Variants in RMDN2 observed in about 807,000 individuals in gnomAD.
RMDN2 encodes regulator of microtubule dynamics 2, also known as regulator of microtubule dynamics protein 2.
Under a neutral mutation model 52.8 loss-of-function variants are expected in RMDN2, and 61 were observed. The ratio of observed to expected loss-of-function variants is 1.16; its 90% confidence interval spans 0.94 to 1.43. The LOEUF (loss-of-function observed/expected upper bound fraction) is 1.43. RMDN2 is among the 40% of genes most tolerant of loss of function. The pLI, the probability that RMDN2 is intolerant of heterozygous loss-of-function variation, is 0.00. For missense variants in RMDN2, 592 were observed against 475.3 expected, an observed-to-expected ratio of 1.25 and a Z score of -2.28; for synonymous variants, 180 against 153.1, an observed-to-expected ratio of 1.18 and a Z score of -1.30.
At chr2:38,015,121 G>A (rs1421830123) in intron 10 of RMDN2, among the ~76,000 whole-genome samples, 3 of 152,148 alleles carry the variant, frequency 2.0e-5, no homozygotes, top group Admixed American at 6.5e-5. Context: ...CTGAGCTCCC[G>A]AATGTGGTAA....
In RMDN2 at chr2:37,991,229, G is replaced by C; in HGVS notation, c.877G>C (p.Asp293His). The C allele has an allele frequency of 1.3e-6, 2 of 1,581,886 alleles. No homozygotes were observed. Among genetic ancestry groups the C allele is most frequent in the Non-Finnish European group, 8.6e-7 (1 of 1,159,848 alleles). Reference sequence around the variant, plus strand: ...TGGATGCTTTTTTCAGGAACATCTAGATATAGCAATCAAACTTTTACCAGA... The same window carrying C: ...TGGATGCTTTTTTCAGGAACATCTACATATAGCAATCAAACTTTTACCAGA... ...NYGHLFKEHLDIAIKLLPEEP... is the reference protein window; with the variant it reads ...NYGHLFKEHLHIAIKLLPEEP... The change falls in exon 7 of 11, where the codon GAT (aspartate) becomes CAT (histidine). Residue 293 changes from aspartate (D) to histidine (H), a missense_variant. Physicochemically the swap from Asp to His is moderately conservative, Grantham distance 81. Coordinates refer to ENST00000354545, the MANE Select transcript of RMDN2 (RefSeq NM_001170791.3).
intron 2 of RMDN2, among the ~76,000 whole-genome samples, chr2:37,933,323 G>A (rs1667000161): frequency 6.6e-6 from 1 of 151,690 alleles, no homozygotes; most frequent in Non-Finnish European, 1.5e-5. Flanking sequence ...TCACATCCCA[G>A]ACGATGGGCG....
At chr2:38,009,675 G>T (rs1677660211) in intron 10 of RMDN2, among the ~76,000 whole-genome samples, 1 of 152,122 alleles carries the variant, frequency 6.6e-6, no homozygotes, top group Admixed American at 6.5e-5. Context: ...TTAGCTCGGA[G>T]TAGTTTGATC....
intron 8 of RMDN2, among the ~76,000 whole-genome samples, chr2:38,002,352 T>C (rs1031766374): frequency 6.6e-6 from 1 of 152,162 alleles, no homozygotes; most frequent in African/African-American, 2.4e-5. Context: ...AAACGGAGAA[T>C]AAATCAAGAT....
intron 2 of RMDN2, among the ~76,000 whole-genome samples, chr2:37,932,258 A>G (rs1666822872): frequency 6.7e-6 from 1 of 150,182 alleles, no homozygotes; most frequent in Non-Finnish European, 1.5e-5. Flanking sequence ...GGGAGTGGTG[A>G]TGACTCTTAA....
At chr2:37,932,212 T>C (rs899290104) in intron 2 of RMDN2, among the ~76,000 whole-genome samples, 2 of 149,618 alleles carry the variant, frequency 1.3e-5, no homozygotes, top group Non-Finnish European at 3.0e-5. Flanking sequence ...CCCTGCGGCC[T>C]TCCGCAGTGT....
At chr2:38,048,230 C>T (rs535791848) in intron 10 of RMDN2, among the ~76,000 whole-genome samples, 57 of 152,366 alleles carry the variant, frequency 3.7e-4, no homozygotes, top group Non-Finnish European at 7.5e-4. Context: ...TACACTCCTT[C>T]TTCCTAAAGG....
chr2:37,957,547 C>T (rs1669641267), intron 2 of RMDN2, among the ~76,000 whole-genome samples: 1 of 152,118 alleles, frequency 6.6e-6, no homozygotes, highest in Non-Finnish European at 1.5e-5. Flanking sequence ...GATATTAGCC[C>T]TTTGTCAGAT....
chr2:38,048,685 T>C (rs536877179), intron 10 of RMDN2, among the ~76,000 whole-genome samples: 39 of 152,266 alleles, frequency 2.6e-4, no homozygotes, highest in Non-Finnish European at 4.4e-4. Context: ...CACCAGGTAG[T>C]CAGGGATCCT....
At chr2:37,997,362 A>T (rs1675696558) in intron 7 of RMDN2, 54 bp from the exon 8 acceptor site, 2 of 1,063,254 alleles carry the variant, frequency 1.9e-6, no homozygotes, top group Non-Finnish European at 3.0e-6. Context: ...GGGAGAGATA[A>T]TCCATTCAAA....
intron 4 of RMDN2, among the ~76,000 whole-genome samples, chr2:37,979,440 C>T (rs929854181): frequency 2.6e-5 from 4 of 152,132 alleles, no homozygotes; most frequent in African/African-American, 7.2e-5. Context: ...TGGGGTTCAG[C>T]ATGAGGGAGG....
downstream of RMDN2, among the ~76,000 whole-genome samples, chr2:38,019,828 G>T (rs1337193381): frequency 6.6e-6 from 1 of 152,134 alleles, no homozygotes; most frequent in African/African-American, 2.4e-5. Flanking sequence ...GGGAGGCTGA[G>T]GTGGGAGGAT....
chr2:38,014,847 T>TG (rs1035052130), intron 10 of RMDN2, among the ~76,000 whole-genome samples: 3 of 152,100 alleles, frequency 2.0e-5, no homozygotes, highest in Non-Finnish European at 2.9e-5. Context: ...TGTGGTCTAG[T>TG]GGGAAAGGCA....
chr2:38,038,092 C>G (rs1292319168), intron 10 of RMDN2, among the ~76,000 whole-genome samples: 3 of 152,122 alleles, frequency 2.0e-5, no homozygotes, highest in Admixed American at 1.3e-4. Context: ...TTTCCCGAAC[C>G]GTTTCTTTCC....
intron 2 of RMDN2, among the ~76,000 whole-genome samples, chr2:37,949,244 T>C (rs969889284): frequency 9.2e-5 from 14 of 152,168 alleles, no homozygotes; most frequent in African/African-American, 3.1e-4. Context: ...ATGTGGGCCA[T>C]TTTTCAGGGT....
chr2:38,044,200 C>G (rs1026763457), intron 10 of RMDN2, among the ~76,000 whole-genome samples: 1 of 151,670 alleles, frequency 6.6e-6, no homozygotes, highest in African/African-American at 2.4e-5. Context: ...TTTTTTCTTT[C>G]AACACTAAAT....
intron 2 of RMDN2, chr2:37,950,491 G>C: frequency 6.2e-7 from 1 of 1,612,334 alleles, no homozygotes; most frequent in Admixed American, 1.7e-5. Flanking sequence ...TCAGTCTTCT[G>C]ACCTGTTCCA....
intron 5 of RMDN2, among the ~76,000 whole-genome samples, chr2:37,983,716 C>G (rs1351418313): frequency 6.6e-6 from 1 of 152,058 alleles, no homozygotes; most frequent in African/African-American, 2.4e-5. Flanking sequence ...TTTAGGTGGC[C>G]TGATTTTATA....
Position 37,975,070 on chromosome 2 carries a change from G to T in RMDN2, c.628-142G>T, listed in dbSNP as rs186948761. 3 of 638,882 alleles carry T rather than the reference G, an allele frequency of 4.7e-6. No individual in the cohort carries two copies. The Admixed American group carries it at 8.7e-5, about 19-fold the overall frequency. The allele number at this position is 638,882 out of a possible 1,614,324, so 39.6% of individuals were successfully genotyped here. The stretch of plus-strand genomic sequence containing the variant: ...TATTTGGATTAAAAATGTTTCACAC[G>T]AAATATGCATATACATAGATTCAAT... On this transcript the variant is annotated intron_variant, in intron 3 of 10. Coordinates refer to ENST00000354545, the MANE Select transcript of RMDN2 (RefSeq NM_001170791.3).
Sources: allele counts gnomAD v4.1 joint callset (sites outside exome capture counted in the v4.1 genomes callset), GRCh38; gene constraint gnomAD v4.1.1; transcripts MANE v1.5; gene names NCBI Gene and HGNC (gene_info 2026-07-23, HGNC 2026-07-21).